ZNF827: variants seen among roughly 807,000 people sequenced by gnomAD.
ZNF827 encodes the protein zinc finger protein 827.
Under a neutral mutation model 102.4 loss-of-function variants are expected in ZNF827, and 13 were observed. The ratio of observed to expected loss-of-function variants is 0.13; its 90% confidence interval spans 0.08 to 0.20. The LOEUF is 0.20. Among genes scored for constraint, ZNF827 ranks in the 10% least tolerant of loss-of-function variants. The probability of loss-of-function intolerance (pLI) is 1.00; values close to 1 mark genes in which losing one functional copy is unlikely to be tolerated. For synonymous variants in ZNF827, 523 were observed against 536.2 expected (o/e 0.98, Z 0.34); for missense variants, 1,103 against 1,344.4 (o/e 0.82, Z 2.81).
At chr4:145,927,361 CAAAT>C (rs1394946310) in intron 1 of ZNF827, among the ~76,000 whole-genome samples, 1 of 152,134 alleles carries the variant, frequency 6.6e-6, no homozygotes, top group African/African-American at 2.4e-5. Context: ...GAGATGGAAA[CAAAT>C]AATTAAAATT....
chr4:145,883,559 C>T (rs142685530), intron 4 of ZNF827, among the ~76,000 whole-genome samples: 153 of 152,216 alleles, frequency 1.0e-3, no homozygotes, highest in African/African-American at 3.4e-3. Flanking sequence ...CTAATTACAG[C>T]GTAATGTGAG....
chr4:145,915,651 A>G (rs1752614323), intron 1 of ZNF827, among the ~76,000 whole-genome samples: 1 of 152,150 alleles, frequency 6.6e-6, no homozygotes, highest in Non-Finnish European at 1.5e-5. Context: ...CCAAAAATTC[A>G]TGTCCTTCTC....
chr4:145,897,782 G>A (rs1046814822), intron 2 of ZNF827, among the ~76,000 whole-genome samples: 20 of 152,012 alleles, frequency 1.3e-4, no homozygotes, highest in African/African-American at 4.4e-4. Context: ...GATTAATGAC[G>A]GACAGTTCTA....
Position 145,822,534 on chromosome 4 carries a change from C to T in ZNF827, c.2383+888G>A, listed in dbSNP as rs144314952. On this transcript the variant is annotated intron_variant, in intron 8 of 14. Coordinates refer to ENST00000508784, the MANE Select transcript of ZNF827 (RefSeq NM_001306215.2). ...AGAGGCTGCGGGGCCAACAACCCTG[C>T]TGTGAGTACTGCCCTGCACACAGGT... 2.6e-3 allele frequency among the ~76,000 whole-genome samples: 398 copies of T among 152,316 alleles called. 1 individual carries two copies. Among genetic ancestry groups the T allele is most frequent in the African/African-American group, 9.2e-3 (381 of 41,560 alleles).
chr4:145,811,123 C>T (rs1741967981), intron 8 of ZNF827, among the ~76,000 whole-genome samples: 1 of 151,738 alleles, frequency 6.6e-6, no homozygotes, highest in Admixed American at 6.6e-5. Context: ...TCCTGAGTAG[C>T]TGGGATTACA....
At chr4:145,915,623 A>C (rs755278280) in intron 1 of ZNF827, among the ~76,000 whole-genome samples, 6 of 152,218 alleles carry the variant, frequency 3.9e-5, no homozygotes, top group Non-Finnish European at 8.8e-5. Flanking sequence ...CTCAAACCAC[A>C]GCATTCCACC....
At chr4:145,843,224 G>GGA (rs1745596655) in intron 7 of ZNF827, among the ~76,000 whole-genome samples, 1 of 142,824 alleles carries the variant, frequency 7.0e-6, no homozygotes, top group African/African-American at 2.6e-5. Flanking sequence ...CTACTCAAAG[G>GGA]AAAAAAAAAA....
At chr4:145,764,367 T>C (rs1734962612) in intron 13 of ZNF827, among the ~76,000 whole-genome samples, 1 of 152,208 alleles carries the variant, frequency 6.6e-6, no homozygotes, top group South Asian at 2.1e-4. Flanking sequence ...AGACACACAG[T>C]ACGTTTGATA....
At chr4:145,784,633 CATA>C (rs1738586676) in intron 8 of ZNF827, among the ~76,000 whole-genome samples, 2 of 152,274 alleles carry the variant, frequency 1.3e-5, no homozygotes, top group Non-Finnish European at 2.9e-5. Context: ...TTTTATGAAG[CATA>C]ATATTTGTAA....
At chr4:145,915,846 C>T (rs1047606325) in intron 1 of ZNF827, among the ~76,000 whole-genome samples, 10 of 152,226 alleles carry the variant, frequency 6.6e-5, no homozygotes, top group Admixed American at 6.5e-4. Context: ...AAGTTATCCA[C>T]TTCCAAAATA....
chr4:145,805,297 C>T (rs2126328901), intron 8 of ZNF827, among the ~76,000 whole-genome samples: 1 of 152,130 alleles, frequency 6.6e-6, no homozygotes, highest in South Asian at 2.1e-4. Context: ...CTTTTTGTTA[C>T]TAGAACAAGT....
chr4:145,771,651 G>A (rs1421008760), intron 11 of ZNF827, among the ~76,000 whole-genome samples: 1 of 151,872 alleles, frequency 6.6e-6, no homozygotes, highest in Admixed American at 6.6e-5. Context: ...CCTAATGAGA[G>A]GACAGTTCCT....
In ZNF827 at chr4:145,761,357, G is replaced by T; in HGVS notation, c.*259C>A. On this transcript the variant is annotated 3_prime_UTR_variant, in exon 15 of 15. Transcript: ENST00000508784. The surrounding 1 kb of genome is among the most constrained non-coding windows in gnomAD (Gnocchi z 6.8). ...TAGCTGCACTGGTCACAGTGGAAGG[G>T]CCGCTCCCCGGTGTGGACGCGCACG... is the stretch of plus-strand genomic sequence containing the variant. The T allele has an allele frequency of 7.8e-7, 1 of 1,289,978 alleles. No homozygotes were observed. Among genetic ancestry groups the T allele is most frequent in the Non-Finnish European group, 1.0e-6 (1 of 988,902 alleles). The allele number at this position is 1,289,978 out of a possible 1,614,324, so 79.9% of individuals were successfully genotyped here. A position where few individuals can be genotyped will look rare whatever the true frequency, so the allele number is the denominator to read the frequency against.
intron 8 of ZNF827, among the ~76,000 whole-genome samples, chr4:145,800,423 G>A (rs940484959): frequency 6.6e-6 from 1 of 150,800 alleles, no homozygotes; most frequent in Non-Finnish European, 1.5e-5. Flanking sequence ...GCATGATCTC[G>A]GCTCACTGCA....
intron 7 of ZNF827, among the ~76,000 whole-genome samples, chr4:145,836,287 G>T: frequency 6.6e-6 from 1 of 151,564 alleles, no homozygotes; most frequent in East Asian, 2.0e-4. Context: ...CCTAGGCATG[G>T]TTAGCGCGGT....
chr4:145,812,364 G>C (rs1292765348), intron 8 of ZNF827, among the ~76,000 whole-genome samples: 1 of 152,078 alleles, frequency 6.6e-6, no homozygotes, highest in Non-Finnish European at 1.5e-5. Flanking sequence ...AAGTCTTCTT[G>C]TGCCTCCATC....
intron 4 of ZNF827, 158 bp from the exon 5 acceptor site, chr4:145,870,636 C>T: frequency 1.6e-6 from 1 of 617,078 alleles, no homozygotes; most frequent in Non-Finnish European, 2.8e-6. Context: ...GGCAAAACCA[C>T]ACAATACACT....
At chr4:145,859,644 A>T (rs1002844479) in intron 5 of ZNF827, among the ~76,000 whole-genome samples, 1 of 152,206 alleles carries the variant, frequency 6.6e-6, no homozygotes, top group Non-Finnish European at 1.5e-5. Context: ...AGCTACTTAC[A>T]AGTAGTGTAA....
chr4:145,778,392 C>T (rs1184444289), intron 9 of ZNF827, among the ~76,000 whole-genome samples: 2 of 152,306 alleles, frequency 1.3e-5, no homozygotes, highest in African/African-American at 4.8e-5. Context: ...CCTTGGCCTC[C>T]CAAAGTGTTG....
Sources: allele counts gnomAD v4.1 joint callset (sites outside exome capture counted in the v4.1 genomes callset), GRCh38; gene constraint gnomAD v4.1.1; non-coding constraint Gnocchi (gnomAD v3.1); transcripts MANE v1.5; gene names NCBI Gene and HGNC (gene_info 2026-07-23, HGNC 2026-07-21).